The following GPHN variants were observed in gnomAD, a reference collection of about 807,000 sequenced individuals.
GPHN encodes the protein gephyrin.
Under a neutral mutation model 95.5 loss-of-function variants are expected in GPHN, and 17 were observed. That is an observed-to-expected ratio of 0.18 (90% CI 0.12 to 0.27). The LOEUF (loss-of-function observed/expected upper bound fraction) is 0.27, where lower values mean the gene tolerates loss of function less well. Among genes scored for constraint, GPHN ranks in the 10% least tolerant of loss-of-function variants. The pLI, the probability that GPHN is intolerant of heterozygous loss-of-function variation, is 1.00. For missense variants in GPHN, 660 were observed against 978.1 expected (o/e 0.67, Z 4.34); for synonymous variants, 320 against 322.5 (o/e 0.99, Z 0.08).
intron 1 of GPHN, among the ~76,000 whole-genome samples, chr14:66,548,152 C>T (rs906042508): frequency 1.3e-5 from 2 of 148,630 alleles, no homozygotes; most frequent in South Asian, 2.1e-4. Flanking sequence ...GATCTGTGAT[C>T]AGTGATTTTT....
chr14:66,838,254 A>T (rs544341991), intron 4 of GPHN, among the ~76,000 whole-genome samples: 5 of 152,268 alleles, frequency 3.3e-5, no homozygotes, highest in South Asian at 2.1e-4. Context: ...GCAAGGCACT[A>T]AAAACAATAT....
chr14:66,785,193 C>A (rs749557876), intron 3 of GPHN, among the ~76,000 whole-genome samples: 1 of 152,042 alleles, frequency 6.6e-6, no homozygotes, highest in African/African-American at 2.4e-5. Flanking sequence ...CATGGTGAAA[C>A]CTGTCTCTAC....
intron 5 of GPHN, among the ~76,000 whole-genome samples, chr14:66,885,520 C>T (rs1194615428): frequency 6.6e-6 from 1 of 151,988 alleles, no homozygotes; most frequent in Admixed American, 6.6e-5. Flanking sequence ...TATTGGGGAT[C>T]CAGGTTCTAT....
At chr14:67,580,019 G>A in the GPHN span, 2 of 738,082 alleles carry the variant, frequency 2.7e-6, no homozygotes, top group East Asian at 2.7e-5. Flanking sequence ...CAGCATTTCT[G>A]TGCCATCCTA....
intron 2 of GPHN, among the ~76,000 whole-genome samples, chr14:66,710,363 T>C: frequency 6.6e-6 from 1 of 152,184 alleles, no homozygotes; most frequent in East Asian, 1.9e-4. Flanking sequence ...CAAAACATTG[T>C]ACATATTATA....
intron 8 of GPHN, among the ~76,000 whole-genome samples, chr14:66,927,713 C>T (rs568828819): frequency 2.3e-3 from 342 of 151,950 alleles, no homozygotes; most frequent in African/African-American, 7.7e-3. Flanking sequence ...AGGAACGTTC[C>T]TTCTATACCC....
chr14:67,422,094 C>T, the GPHN span, among the ~76,000 whole-genome samples: 2 of 152,168 alleles, frequency 1.3e-5, no homozygotes, highest in Non-Finnish European at 2.9e-5. Flanking sequence ...TGAGAGCATG[C>T]TTTTGATGTA....
At chr14:67,013,084 G>C (rs2073100694) in intron 9 of GPHN, among the ~76,000 whole-genome samples, 2 of 152,010 alleles carry the variant, frequency 1.3e-5, no homozygotes, top group Non-Finnish European at 2.9e-5. Context: ...CCAGCACCTA[G>C]ATAAGAGCCT....
At chr14:67,085,827 C>G (rs1595074852) in intron 11 of GPHN, among the ~76,000 whole-genome samples, 2 of 152,114 alleles carry the variant, frequency 1.3e-5, no homozygotes, top group African/African-American at 4.8e-5. Context: ...TTGGTCTTCC[C>G]AAACTGAAAC....
intron 2 of GPHN, among the ~76,000 whole-genome samples, chr14:66,709,183 C>A (rs1204325933): frequency 6.6e-6 from 1 of 152,084 alleles, no homozygotes; most frequent in Admixed American, 6.6e-5. Flanking sequence ...GAACAGTGTT[C>A]CTACAGCTTT....
chr14:66,984,991 T>TA (rs897816122), intron 9 of GPHN, among the ~76,000 whole-genome samples: 43 of 151,540 alleles, frequency 2.8e-4, no homozygotes, highest in East Asian at 1.7e-3. Flanking sequence ...TGAGTTATTT[T>TA]AAAAAAAAAG....
chr14:67,639,793 C>G, the GPHN span, among the ~76,000 whole-genome samples: 1 of 151,978 alleles, frequency 6.6e-6, no homozygotes, highest in Admixed American at 6.6e-5. Context: ...GACGTGGTGG[C>G]GCACACCTGT....
At chr14:67,707,110 A>G in the GPHN span, among the ~76,000 whole-genome samples, 1,931 of 152,310 alleles carry the variant, frequency 0.013, 53 homozygotes, top group African/African-American at 0.044. Context: ...GTCTAGCTTC[A>G]GTTTGCAGAG....
intron 2 of GPHN, among the ~76,000 whole-genome samples, chr14:66,722,519 C>A (rs1370647414): frequency 1.3e-5 from 2 of 152,156 alleles, no homozygotes; most frequent in African/African-American, 4.8e-5. Flanking sequence ...TCATAGCTCA[C>A]TGCAGCCTCA....
chr14:67,246,171 G>GTC, the GPHN span, among the ~76,000 whole-genome samples: 1 of 151,876 alleles, frequency 6.6e-6, no homozygotes, highest in Admixed American at 6.6e-5. Flanking sequence ...TAGAGACAGG[G>GTC]TCTCTCTCTG....
At chr14:67,075,961 A>G (rs10141947) in intron 11 of GPHN, among the ~76,000 whole-genome samples, 49,450 of 152,120 alleles carry the variant, frequency 0.33, 12,745 homozygotes, top group African/African-American at 0.7. Context: ...TAAAGTAGTG[A>G]CAGGATTTAA....
intron 2 of GPHN, among the ~76,000 whole-genome samples, chr14:66,762,005 C>T (rs1373671978): frequency 6.6e-6 from 1 of 152,036 alleles, no homozygotes; most frequent in African/African-American, 2.4e-5. Context: ...GATGTAGAAG[C>T]AGAGGAATCC....
intron 8 of GPHN, among the ~76,000 whole-genome samples, chr14:66,939,103 T>C (rs1040505771): frequency 6.6e-6 from 1 of 152,180 alleles, no homozygotes; most frequent in Non-Finnish European, 1.5e-5. Context: ...GTCAAAACTT[T>C]ATGACATTGG....
the GPHN span, among the ~76,000 whole-genome samples, chr14:67,451,062 TG>T: frequency 6.6e-6 from 1 of 152,228 alleles, no homozygotes; most frequent in Non-Finnish European, 1.5e-5. Flanking sequence ...GCTCAGGCTG[TG>T]GCTTCAGAGG....
Sources: allele counts gnomAD v4.1 joint callset (sites outside exome capture counted in the v4.1 genomes callset), GRCh38; gene constraint gnomAD v4.1.1; transcripts MANE v1.5; gene names NCBI Gene and HGNC (gene_info 2026-07-23, HGNC 2026-07-21).